Variants in SLX4IP observed in about 807,000 individuals in gnomAD.
The protein encoded by SLX4IP is SLX4 interacting protein.
SLX4IP carries 34 observed loss-of-function variants against 32.9 expected under a neutral mutation model. The observed-to-expected ratio is 1.03, with a 90% CI of 0.79 to 1.38. SLX4IP has a LOEUF of 1.38. SLX4IP is among the 40% of genes most tolerant of loss of function. SLX4IP has a pLI of 0.00. For missense variants in SLX4IP, 444 were observed against 479.0 expected, an observed-to-expected ratio of 0.93 and a Z score of 0.68; for synonymous variants, 172 against 171.7, an observed-to-expected ratio of 1.00 and a Z score of -0.01.
At chr20:10,483,124 T>C (rs1044104909) in intron 2 of SLX4IP, among the ~76,000 whole-genome samples, 13 of 152,204 alleles carry the variant, frequency 8.5e-5, no homozygotes, top group Non-Finnish European at 1.9e-4. Context: ...TTTTTGTTTG[T>C]TCGTTTGTTT....
chr20:10,501,816 C>T (rs969284146), intron 2 of SLX4IP, among the ~76,000 whole-genome samples: 2 of 152,054 alleles, frequency 1.3e-5, no homozygotes, highest in Non-Finnish European at 2.9e-5. Flanking sequence ...CATTTTCTTC[C>T]GAGACGCAGA....
intron 1 of SLX4IP, among the ~76,000 whole-genome samples, chr20:10,449,018 C>G (rs1017864374): frequency 6.6e-6 from 1 of 152,146 alleles, no homozygotes; most frequent in African/African-American, 2.4e-5. Flanking sequence ...TGTACTCCTT[C>G]CACCATGGAT....
chr20:10,458,533 A>G (rs555622797), intron 2 of SLX4IP, among the ~76,000 whole-genome samples: 1 of 151,768 alleles, frequency 6.6e-6, no homozygotes, highest in Admixed American at 6.6e-5. Flanking sequence ...CCCCCACAAC[A>G]GGTCCCAGTG....
chr20:10,552,265 T>G (rs915190307), intron 2 of SLX4IP, among the ~76,000 whole-genome samples: 5 of 152,142 alleles, frequency 3.3e-5, no homozygotes, highest in African/African-American at 1.2e-4. Flanking sequence ...GAGAAAGAAG[T>G]GATGGTTACC....
intron 6 of SLX4IP, among the ~76,000 whole-genome samples, chr20:10,615,003 GATT>G (rs1320713360): frequency 6.6e-6 from 1 of 151,898 alleles, no homozygotes; most frequent in Non-Finnish European, 1.5e-5. Context: ...GTACTATAAT[GATT>G]ATATTTTATA....
chr20:10,448,336 A>G (rs1009855698), intron 1 of SLX4IP, among the ~76,000 whole-genome samples: 6 of 152,214 alleles, frequency 3.9e-5, no homozygotes, highest in African/African-American at 1.4e-4. Flanking sequence ...GAAATGGAAT[A>G]GACTATAGTG....
At chr20:10,468,461 C>T (rs1429825177) in intron 2 of SLX4IP, among the ~76,000 whole-genome samples, 3 of 152,158 alleles carry the variant, frequency 2.0e-5, no homozygotes, top group East Asian at 3.8e-4. Context: ...TCCAGCTAGA[C>T]GTAAGGCATT....
intron 4 of SLX4IP, among the ~76,000 whole-genome samples, chr20:10,598,414 C>T (rs1035924155): frequency 5.3e-5 from 8 of 152,224 alleles, no homozygotes; most frequent in African/African-American, 1.9e-4. Context: ...CAGGTGCCCG[C>T]CACCTCACCC....
intron 2 of SLX4IP, among the ~76,000 whole-genome samples, chr20:10,526,543 G>A (rs2065941761): frequency 6.6e-6 from 1 of 152,196 alleles, no homozygotes; most frequent in Non-Finnish European, 1.5e-5. Flanking sequence ...GAACTGCTGT[G>A]TTTTTAGTAG....
chr20:10,618,256 G>T (rs972907874), intron 6 of SLX4IP, among the ~76,000 whole-genome samples: 1 of 152,178 alleles, frequency 6.6e-6, no homozygotes, highest in Non-Finnish European at 1.5e-5. Flanking sequence ...CTTGTGGCCT[G>T]CCTAGGCTGC....
intron 4 of SLX4IP, among the ~76,000 whole-genome samples, chr20:10,588,390 C>T (rs75062547): frequency 0.047 from 7,138 of 152,110 alleles, 259 homozygotes; most frequent in Admixed American, 0.096. Flanking sequence ...GGAACCCTTG[C>T]ATGCTTTTGA....
At chr20:10,472,332 G>T (rs532322064) in intron 2 of SLX4IP, among the ~76,000 whole-genome samples, 1 of 151,458 alleles carries the variant, frequency 6.6e-6, no homozygotes, top group African/African-American at 2.4e-5. Flanking sequence ...CCAGGTTCAC[G>T]CTATTCTCCT....
intron 6 of SLX4IP, among the ~76,000 whole-genome samples, chr20:10,618,523 G>C (rs2067065629): frequency 2.0e-5 from 3 of 152,192 alleles, no homozygotes; most frequent in African/African-American, 7.2e-5. Context: ...TACCTTCCAG[G>C]TTGTAAGGAA....
chr20:10,579,063 T>G (rs1357114757), intron 4 of SLX4IP, among the ~76,000 whole-genome samples: 2 of 152,212 alleles, frequency 1.3e-5, no homozygotes, highest in African/African-American at 4.8e-5. Context: ...ACCCAAAAGT[T>G]TTTAATTTTA....
intron 2 of SLX4IP, among the ~76,000 whole-genome samples, chr20:10,532,845 G>A (rs1216956443): frequency 6.6e-6 from 1 of 151,276 alleles, no homozygotes; most frequent in Admixed American, 6.6e-5. Context: ...GCGTGATCTC[G>A]GCTCACTGTA....
chr20:10,549,260 C>T (rs1020156985), intron 2 of SLX4IP, among the ~76,000 whole-genome samples: 1 of 152,192 alleles, frequency 6.6e-6, no homozygotes, highest in Admixed American at 6.5e-5. Flanking sequence ...ACCACCCCTC[C>T]CACCTCGTTC....
intron 2 of SLX4IP, among the ~76,000 whole-genome samples, chr20:10,461,631 T>C (rs1322086661): frequency 1.3e-5 from 2 of 152,216 alleles, no homozygotes; most frequent in Admixed American, 1.3e-4. Context: ...CAGGGTATCA[T>C]GAGCAGCAGG....
intron 2 of SLX4IP, among the ~76,000 whole-genome samples, chr20:10,518,852 G>A (rs1707061798): frequency 6.6e-6 from 1 of 152,124 alleles, no homozygotes; most frequent in Non-Finnish European, 1.5e-5. Flanking sequence ...TTACAGGTGT[G>A]AGCTACCATT....
At chr20:10,564,263 C>T (rs1038203094) in intron 4 of SLX4IP, among the ~76,000 whole-genome samples, 14 of 152,180 alleles carry the variant, frequency 9.2e-5, no homozygotes, top group African/African-American at 3.4e-4. Flanking sequence ...TCAGCTGATC[C>T]TATAGTCTTT....
Sources: gnomAD v4.1 joint callset for allele counts (sites outside exome capture counted in the v4.1 genomes callset) on GRCh38, gnomAD v4.1.1 for gene constraint, MANE v1.5 for transcripts, NCBI Gene and HGNC (gene_info 2026-07-23, HGNC 2026-07-21) for gene names.